The following CSF2RA variants were observed in gnomAD, a reference collection of about 807,000 sequenced individuals.
The protein encoded by CSF2RA is colony stimulating factor 2 receptor subunit alpha.
In CSF2RA, 42 loss-of-function variants were observed where a neutral mutation model predicts 51.6. That is an observed-to-expected ratio of 0.81 (90% confidence interval 0.64 to 1.05). The LOEUF (loss-of-function observed/expected upper bound fraction) is 1.05, where lower values mean the gene tolerates loss of function less well. Ranked by LOEUF, CSF2RA falls within the 50% of genes least tolerant of loss-of-function variation. CSF2RA has a pLI of 0.00. For missense variants in CSF2RA, 530 were observed against 501.1 expected (o/e 1.06, Z -0.55); for synonymous variants, 222 against 193.0 (o/e 1.15, Z -1.24).
At chrX:1,294,590 G>C (rs2091737362) in intron 8 of CSF2RA, 129 bp downstream of exon 8, 5 of 1,238,990 alleles carry the variant, frequency 4.0e-6, no homozygotes, top group Non-Finnish European at 5.8e-6. Flanking sequence ...TGACTCTGGG[G>C]TGAACGCACT....
At chrX:1,271,671 C>T (rs1199207167) in intron 1 of CSF2RA, among the ~76,000 whole-genome samples, 1 of 151,952 alleles carries the variant, frequency 6.6e-6, no homozygotes, top group African/African-American at 2.4e-5. Flanking sequence ...TGTGTGCTAC[C>T]ATGCCCGGCT....
chrX:1,283,701 G>A (rs1213613773), intron 3 of CSF2RA, among the ~76,000 whole-genome samples: 2 of 151,800 alleles, frequency 1.3e-5, no homozygotes, highest in African/African-American at 4.8e-5. Context: ...CCGAGTAGCT[G>A]GGATTACAGG....
chrX:1,320,903 G>A, the CSF2RA span, among the ~76,000 whole-genome samples: 2 of 151,086 alleles, frequency 1.3e-5, no homozygotes, highest in African/African-American at 2.4e-5. Flanking sequence ...ACAGTGGCGC[G>A]ATCTCAGCTC....
At chrX:1,318,634 C>A in the CSF2RA span, among the ~76,000 whole-genome samples, 2 of 151,310 alleles carry the variant, frequency 1.3e-5, no homozygotes, top group African/African-American at 4.8e-5. Context: ...AATTGCAAAG[C>A]TGACCGGGCG....
At chrX:1,307,487 T>C (rs1363103855) in intron 12 of CSF2RA, among the ~76,000 whole-genome samples, 1 of 151,316 alleles carries the variant, frequency 6.6e-6, no homozygotes, top group Non-Finnish European at 1.5e-5. Flanking sequence ...GACTTTCAAC[T>C]GATTAAATGA....
chrX:1,294,193 C>G lies in CSF2RA; in HGVS notation c.647-135C>G, dbSNP rs2091692542. 2.8e-6 allele frequency: 3 copies of G among 1,079,424 alleles called. No homozygotes were observed. In the South Asian group the frequency reaches 3.7e-5, roughly 13 times the overall value. 66.9% of individuals were successfully genotyped at this position (1,079,424 alleles called of 1,614,324 possible). On this transcript the variant is annotated intron_variant, in intron 7 of 12. Coordinates refer to ENST00000381529, the MANE Select transcript of CSF2RA (RefSeq NM_172245.4). The stretch of plus-strand genomic sequence containing the variant: ...GTCCCTACTCCACCTCCACCTGGAC[C>G]CAGTGTAGACAGGACCTACTCCACC...
intron 4 of CSF2RA, chrX:1,287,212 G>A (rs1270961725): frequency 4.9e-5 from 7 of 144,062 alleles, no homozygotes; most frequent in African/African-American, 1.8e-4. Context: ...GGAGTACACT[G>A]GTGTGATCTT....
the CSF2RA span, among the ~76,000 whole-genome samples, chrX:1,323,045 C>T: frequency 1.8e-4 from 27 of 151,880 alleles, no homozygotes; most frequent in South Asian, 1.0e-3. Flanking sequence ...AGGAGAATGG[C>T]GTGAACCCGG....
At chrX:1,271,806 G>A (rs1281696276) in intron 1 of CSF2RA, among the ~76,000 whole-genome samples, 1 of 151,876 alleles carries the variant, frequency 6.6e-6, no homozygotes, top group African/African-American at 2.4e-5. Flanking sequence ...CATGAACCAC[G>A]GAGCCCGGCC....
rs1307700776 is a variant in CSF2RA, at chrX:1,301,348, A to G, written c.946+722A>G. On this transcript the variant is annotated intron_variant, in intron 10 of 12. Transcript: ENST00000381529. ...CTCTGTCTCAAAAAAAAAAAAAAAA[A>G]AAAAAAGAAAAAGTAGAAGGAGGTG... Among the ~76,000 whole-genome samples, 722 of 148,572 alleles carry G rather than the reference A, an allele frequency of 4.9e-3. 18 individuals are homozygous for G. Among genetic ancestry groups the G allele is most frequent in the African/African-American group, 0.018 (698 of 39,562 alleles).
chrX:1,296,543 G>A lies in CSF2RA; in HGVS notation c.810+1087G>A, dbSNP rs1245705571. On this transcript the variant is annotated intron_variant, in intron 9 of 12. Transcript: ENST00000381529. ...CGGAACTGTACAGTCCCCTACTCACGACCCCTACAGTCTCCTACCCATGAC... is the reference window on the plus strand; with the variant it reads ...CGGAACTGTACAGTCCCCTACTCACAACCCCTACAGTCTCCTACCCATGAC... Among the ~76,000 whole-genome samples the A allele has an allele frequency of 1.0e-4, 2 of 19,340 alleles. 1 individual carries two copies. The highest frequency in any genetic ancestry group is 2.2e-4 in the Non-Finnish European group (2 of 9,088). 12.7% of individuals were successfully genotyped at this position (19,340 alleles called of 152,430 possible). A position where few individuals can be genotyped will look rare whatever the true frequency, so the allele number is the denominator to read the frequency against.
At position 1,288,350 on chromosome X, in the gene CSF2RA, C is replaced by T. The variant is rs1405825139; in HGVS notation, c.220-169C>T. Reference sequence around the variant, plus strand: ...TACACAAATTAGCAGGGTGTGGTGGCGGGTGTCTGTAATCCGAGCTACTCG... The same window carrying T: ...TACACAAATTAGCAGGGTGTGGTGGTGGGTGTCTGTAATCCGAGCTACTCG... On this transcript the variant is annotated intron_variant, in intron 4 of 12. Coordinates refer to ENST00000381529, the MANE Select transcript of CSF2RA (RefSeq NM_172245.4). 3.9e-5 allele frequency among the ~76,000 whole-genome samples: 5 copies of T among 126,990 alleles called. 1 individual carries two copies. The highest frequency in any genetic ancestry group is 2.7e-4 in the South Asian group (1 of 3,698). 83.3% of individuals were successfully genotyped at this position (126,990 alleles called of 152,430 possible).
chrX:1,319,328 C>T, the CSF2RA span, among the ~76,000 whole-genome samples: 39,918 of 147,808 alleles, frequency 0.27, 6,787 homozygotes, highest in Non-Finnish European at 0.32. Context: ...GCATCTTGCT[C>T]CTTTGCCCAG....
At chrX:1,281,052 C>CTTCT (rs1160188879) in intron 2 of CSF2RA, among the ~76,000 whole-genome samples, 1 of 9,978 alleles carries the variant, frequency 1.0e-4, no homozygotes, top group African/African-American at 3.1e-4. Context: ...CCTCCTGCTC[C>CTTCT]CCTTCTCCTC....
At chrX:1,269,646 AGAG>A (rs569483557) in intron 1 of CSF2RA, among the ~76,000 whole-genome samples, 1 of 57,030 alleles carries the variant, frequency 1.8e-5, no homozygotes, top group Admixed American at 1.3e-4. Flanking sequence ...AGAAAAAAAA[AGAG>A]ATGAAAAGAG....
At chrX:1,289,008 C>A in intron 6 of CSF2RA, 120 bp downstream of exon 6, 1 of 1,390,810 alleles carries the variant, frequency 7.2e-7, no homozygotes, top group Non-Finnish European at 1.0e-6. Flanking sequence ...GTTGCCCAGG[C>A]TGCAATGCAA....
intron 7 of CSF2RA, among the ~76,000 whole-genome samples, chrX:1,292,297 C>T (rs2091482471): frequency 6.6e-6 from 1 of 152,164 alleles, no homozygotes; most frequent in South Asian, 2.1e-4. Flanking sequence ...GTGAAGGCGA[C>T]CAGCCCTTCC....
chrX:1,320,557 G>C, the CSF2RA span, among the ~76,000 whole-genome samples: 65 of 150,970 alleles, frequency 4.3e-4, 2 homozygotes, highest in African/African-American at 1.5e-3. Flanking sequence ...GAGTGCCATG[G>C]CGTGGTCTTG....
chrX:1,300,492 T>G lies in CSF2RA; in HGVS notation c.812T>G (p.Ile271Ser). The change falls in exon 10 of 13, where the codon ATT becomes AGT. Residue 271 changes from isoleucine to serine, a missense_variant and splice_region_variant. By Grantham distance (142) the Ile-to-Ser change is moderately radical. Coordinates refer to ENST00000381529, the MANE Select transcript of CSF2RA (RefSeq NM_172245.4). ...CTAACTTTCTTTTTTCCTCCAAAGATTAATGTTTCTGGTGATTTGGAAAAT... is the reference window on the plus strand; with the variant it reads ...CTAACTTTCTTTTTTCCTCCAAAGAGTAATGTTTCTGGTGATTTGGAAAAT... Reference protein sequence around the residue: ...NTQPGTENLLINVSGDLENRY... With the variant: ...NTQPGTENLLSNVSGDLENRY... The G allele has an allele frequency of 6.2e-7, 1 of 1,613,894 alleles. No individual in the cohort carries two copies. The highest frequency in any genetic ancestry group is 8.5e-7 in the Non-Finnish European group (1 of 1,179,834).
Sources: gnomAD v4.1 joint callset for allele counts (sites outside exome capture counted in the v4.1 genomes callset) on GRCh38, gnomAD v4.1.1 for gene constraint, MANE v1.5 for transcripts, NCBI Gene and HGNC (gene_info 2026-07-23, HGNC 2026-07-21) for gene names.